BRINP3: variants seen among roughly 807,000 people sequenced by gnomAD.
BRINP3 encodes the protein BMP/retinoic acid inducible neural specific 3.
BRINP3 carries 19 observed loss-of-function variants against 71.0 expected under a neutral mutation model. The ratio of observed to expected loss-of-function variants is 0.27; its 90% CI spans 0.19 to 0.39. BRINP3 has a LOEUF of 0.39. BRINP3 is among the 10% of genes least tolerant of loss of function. The pLI, the probability that BRINP3 is intolerant of heterozygous loss-of-function variation, is 1.00. For synonymous variants in BRINP3, 380 were observed against 337.7 expected, an observed-to-expected ratio of 1.13 and a Z score of -1.37; for missense variants, 959 against 940.8, an observed-to-expected ratio of 1.02 and a Z score of -0.25.
In BRINP3 at chr1:190,327,548, C is replaced by G. The variant is rs117903948; in HGVS notation, c.237-45798G>C. Among the ~76,000 whole-genome samples, 247 of 147,438 alleles carry G rather than the reference C, an allele frequency of 1.7e-3. 8 individuals carry two copies. The East Asian group carries it at 0.047, about 28-fold the overall frequency. Reference sequence around the variant, plus strand: ...TATATCTGATAAAACAGGCTGTAAACCAACAACAGTAAAAAAGGAAAAAAT... The same window carrying G: ...TATATCTGATAAAACAGGCTGTAAAGCAACAACAGTAAAAAAGGAAAAAAT... On this transcript the variant is annotated intron_variant, in intron 2 of 7. Transcript: ENST00000367462.
chr1:190,322,371 TGAGAACAAAATAATAGTCTGCA>T (rs1373028607), intron 2 of BRINP3, among the ~76,000 whole-genome samples: 2 of 152,062 alleles, frequency 1.3e-5, no homozygotes, highest in Admixed American at 1.3e-4. Flanking sequence ...CAGTTTTGCC[TGAGAACAAAATAATAGTCTGCA>T]CCCTGTGTTA....
At chr1:190,400,110 A>T (rs1421028482) in intron 2 of BRINP3, among the ~76,000 whole-genome samples, 1 of 152,096 alleles carries the variant, frequency 6.6e-6, no homozygotes, top group East Asian at 1.9e-4. Context: ...TCTCAAAACC[A>T]TGTGAAGATG....
At chr1:190,296,509 C>T (rs540643047) in intron 2 of BRINP3, among the ~76,000 whole-genome samples, 1 of 151,996 alleles carries the variant, frequency 6.6e-6, no homozygotes, top group African/African-American at 2.4e-5. Context: ...AGATCAGGAA[C>T]AACACAAGGC....
rs575700100 is a variant in BRINP3 at position 190,286,445 on chromosome 1, A to G, written c.237-4695T>C. ...GATATTAACTGTCATGATTTCTTTA[A>G]AAGTACACACATATGTTTGGCTTTC... is the stretch of plus-strand genomic sequence containing the variant. On this transcript the variant is annotated intron_variant, in intron 2 of 7. Transcript: ENST00000367462. Among the ~76,000 whole-genome samples, 3 of 152,274 alleles carry G rather than the reference A, an allele frequency of 2.0e-5. No individual in the cohort carries two copies. In the East Asian group the frequency reaches 5.8e-4, roughly 29 times the overall value.
intron 6 of BRINP3, among the ~76,000 whole-genome samples, chr1:190,187,171 C>T (rs1558046020): frequency 1.3e-5 from 2 of 152,008 alleles, no homozygotes; most frequent in African/African-American, 2.4e-5. Flanking sequence ...ATTCATAAGT[C>T]TTTTTTTGAG....
chr1:190,284,799 C>A (rs1663295253), intron 2 of BRINP3, among the ~76,000 whole-genome samples: 1 of 152,004 alleles, frequency 6.6e-6, no homozygotes, highest in African/African-American at 2.4e-5. Flanking sequence ...TTGGGGATAT[C>A]ACCAAACTAA....
chr1:190,218,128 T>C (rs947171526), intron 6 of BRINP3, among the ~76,000 whole-genome samples: 1 of 151,762 alleles, frequency 6.6e-6, no homozygotes, highest in Non-Finnish European at 1.5e-5. Flanking sequence ...ATACACCATA[T>C]AGCCGGGCTC....
Position 190,287,953 on chromosome 1 carries a change from C to A in BRINP3, c.237-6203G>T, listed in dbSNP as rs375016611. Among the ~76,000 whole-genome samples the A allele has an allele frequency of 2.6e-5, 4 of 152,080 alleles. No homozygotes were observed. The East Asian group carries it at 7.7e-4, about 29-fold the overall frequency. On this transcript the variant is annotated intron_variant, in intron 2 of 7. Coordinates refer to ENST00000367462, the MANE Select transcript of BRINP3 (RefSeq NM_199051.3). ...GGTTTTATGCAAACTAAGAGAAATA[C>A]AACACAAATGCAGGTATATATGATA...
chr1:190,301,532 TTTCC>T (rs1558161131), intron 2 of BRINP3, among the ~76,000 whole-genome samples: 1 of 151,138 alleles, frequency 6.6e-6, no homozygotes, highest in South Asian at 2.1e-4. Context: ...CATTTATCTC[TTTCC>T]TTCCTTCCAA....
chr1:190,295,858 C>T (rs900113457), intron 2 of BRINP3, among the ~76,000 whole-genome samples: 1 of 152,108 alleles, frequency 6.6e-6, no homozygotes, highest in Non-Finnish European at 1.5e-5. Context: ...ACTGTCCTTT[C>T]TAAAGTCTTC....
At chr1:190,285,724 G>GC (rs1663371066) in intron 2 of BRINP3, among the ~76,000 whole-genome samples, 1 of 147,364 alleles carries the variant, frequency 6.8e-6, no homozygotes, top group South Asian at 2.2e-4. Context: ...GTGAGGGTTT[G>GC]TTTTTTTTTT....
rs534705549 is a variant in BRINP3 at position 190,130,154 on chromosome 1, A to G, written c.1184+30514T>C. 4.6e-5 allele frequency among the ~76,000 whole-genome samples: 7 copies of G among 152,116 alleles called. No individual in the cohort carries two copies. The East Asian group carries it at 1.4e-3, about 29-fold the overall frequency. On this transcript the variant is annotated intron_variant, in intron 7 of 7. Coordinates refer to ENST00000367462, the MANE Select transcript of BRINP3 (RefSeq NM_199051.3). ...TCTAGTTTGCAAGTTTTAAGAGCAA[A>G]TAAGAGAATTGACCCAAATCTTTGA...
At chr1:190,402,923 T>G (rs1306032396) in intron 2 of BRINP3, among the ~76,000 whole-genome samples, 1 of 152,046 alleles carries the variant, frequency 6.6e-6, no homozygotes, top group African/African-American at 2.4e-5. Context: ...CACGGTGTTT[T>G]GCTATGTTGC....
In BRINP3 at chr1:190,141,246, A is replaced by T. The variant is rs540670432; in HGVS notation, c.1184+19422T>A. 4.2e-3 allele frequency among the ~76,000 whole-genome samples: 635 copies of T among 152,110 alleles called. 2 individuals are homozygous for T. Among genetic ancestry groups the T allele is most frequent in the African/African-American group, 0.015 (607 of 41,532 alleles). On this transcript the variant is annotated intron_variant, in intron 7 of 7. Coordinates refer to ENST00000367462, the MANE Select transcript of BRINP3 (RefSeq NM_199051.3). ...TGGAAATTTTGCCATTAAGATATTA[A>T]TATAATATATTTTATAGATGTTCTG... is the stretch of plus-strand genomic sequence containing the variant.
chr1:190,350,782 T>C (rs1204367339), intron 2 of BRINP3, among the ~76,000 whole-genome samples: 2 of 151,524 alleles, frequency 1.3e-5, no homozygotes, highest in Non-Finnish European at 2.9e-5. Flanking sequence ...CACTATAGTT[T>C]AAATGGGCTT....
chr1:190,460,024 C>T (rs1009985727), intron 1 of BRINP3, among the ~76,000 whole-genome samples: 5 of 151,920 alleles, frequency 3.3e-5, no homozygotes, highest in Non-Finnish European at 7.4e-5. Context: ...TGCCCAATGT[C>T]TGCAACCATT....
chr1:190,382,733 T>A (rs932650808), intron 2 of BRINP3, among the ~76,000 whole-genome samples: 1 of 152,198 alleles, frequency 6.6e-6, no homozygotes, highest in Admixed American at 6.6e-5. Context: ...TATCATTGTA[T>A]ACTTTCTTTC....
chr1:190,190,265 A>G (rs1653917908), intron 6 of BRINP3, among the ~76,000 whole-genome samples: 1 of 152,074 alleles, frequency 6.6e-6, no homozygotes, highest in Non-Finnish European at 1.5e-5. Flanking sequence ...GGTTCAATGC[A>G]AAGTCCTATG....
intron 2 of BRINP3, among the ~76,000 whole-genome samples, chr1:190,291,071 A>G (rs1663829322): frequency 6.6e-6 from 1 of 152,046 alleles, no homozygotes; most frequent in African/African-American, 2.4e-5. Flanking sequence ...TATATATCAA[A>G]CAGAAGCAAA....
Sources: gnomAD v4.1 joint callset for allele counts (sites outside exome capture counted in the v4.1 genomes callset) on GRCh38, gnomAD v4.1.1 for gene constraint, MANE v1.5 for transcripts, NCBI Gene and HGNC (gene_info 2026-07-23, HGNC 2026-07-21) for gene names.